KDM3B: variants seen among roughly 807,000 people sequenced by gnomAD.
KDM3B encodes the protein lysine-specific demethylase 3B.
A neutral mutation model predicts 170.0 loss-of-function variants in KDM3B; 10 were observed. That is an observed-to-expected ratio of 0.06 (90% CI 0.04 to 0.10). KDM3B has a LOEUF of 0.10. Ranked by LOEUF, KDM3B falls within the 10% of genes least tolerant of loss-of-function variation. KDM3B has a pLI of 1.00. For missense variants in KDM3B, 1,394 were observed against 2,195.2 expected (o/e 0.64, Z 7.29); for synonymous variants, 831 against 834.8 (o/e 1.00, Z 0.08).
chr5:138,392,033 G>A lies in KDM3B; in HGVS notation c.2401G>A (p.Glu801Lys), dbSNP rs1258217531. The A allele has an allele frequency of 2.5e-6, 4 of 1,613,946 alleles. No homozygotes were observed. The highest frequency in any genetic ancestry group is 3.4e-6 in the Non-Finnish European group (4 of 1,179,892). ...FEAVKRFSLD[E>K]RSLACRQDSD... ...AGCTGTGAAAAGGTTCTCACTGGAT[G>A]AACGAAGCTTGGCTTGCAGACAAGA... Residue 801 changes from glutamate (E) to lysine (K), a missense_variant, in exon 8 of 24, where the codon GAA (glutamate) becomes AAA (lysine). Glu to Lys is a moderately conservative substitution (Grantham distance 56). Coordinates refer to ENST00000314358, the MANE Select transcript of KDM3B (RefSeq NM_016604.4).
intron 13 of KDM3B, 73 bp downstream of exon 13, chr5:138,417,683 C>T: frequency 1.4e-6 from 2 of 1,473,870 alleles, no homozygotes; most frequent in East Asian, 2.3e-5. Flanking sequence ...CCCTTTTCAA[C>T]TCTGTTATGC....
Position 138,386,388 on chromosome 5 carries a change from A to G in KDM3B, c.1147A>G (p.Thr383Ala), listed in dbSNP as rs772313729. The G allele has an allele frequency of 6.2e-7, 1 of 1,614,040 alleles. No individual in the cohort carries two copies. Among genetic ancestry groups the G allele is most frequent in the African/African-American group, 1.3e-5 (1 of 74,988 alleles). Residue 383 changes from threonine to alanine, a missense_variant, in exon 7 of 24, where the codon ACT (threonine) becomes GCT (alanine). Physicochemically the swap from Thr to Ala is moderately conservative, Grantham distance 58. This residue lies in a region of KDM3B where 205 missense variants were observed against 227.6 expected (regional missense o/e 0.90). Coordinates refer to ENST00000314358, the MANE Select transcript of KDM3B (RefSeq NM_016604.4). Reference sequence around the variant, plus strand: ...AGGTGGGGACACACCTGCATCTTTCACTCCATATTCTACAGCCACAGGTCA... The same window carrying G: ...AGGTGGGGACACACCTGCATCTTTCGCTCCATATTCTACAGCCACAGGTCA... ...PVGGDTPASF[T>A]PYSTATGQTP...
At chr5:138,367,968 G>A (rs1414929413) in intron 1 of KDM3B, among the ~76,000 whole-genome samples, 2 of 151,060 alleles carry the variant, frequency 1.3e-5, no homozygotes, top group Non-Finnish European at 2.9e-5. Context: ...AGCCGAGATC[G>A]CACCACTGCA....
Position 138,399,748 on chromosome 5 carries a change from A to C in KDM3B, c.3047-112A>C, listed in dbSNP as rs1233748317. On this transcript the variant is annotated intron_variant, in intron 10 of 23. Transcript: ENST00000314358. The stretch of plus-strand genomic sequence containing the variant: ...AATTATAGAAACACAGACTTTATGA[A>C]TCTTTGAGTTTTATTGCTGAACAAA... The C allele has an allele frequency of 3.4e-6, 3 of 874,488 alleles. No homozygotes were observed. In the African/African-American group the frequency reaches 5.1e-5, roughly 15 times the overall value. The allele number at this position is 874,488 out of a possible 1,614,324, so 54.2% of individuals were successfully genotyped here.
rs779230646 is a variant in KDM3B at position 138,379,690 on chromosome 5, G to T, written c.687G>T (p.Met229Ile). Residue 229 changes from methionine to isoleucine, a missense_variant, in exon 5 of 24, where the codon ATG becomes ATT. By Grantham distance (10) the Met-to-Ile change is conservative. This residue lies in a region of KDM3B where 166 missense variants were observed against 216.4 expected (regional missense o/e 0.77). Transcript: ENST00000314358. ...ATCAGGACTCCATCACTCGTCTTATGGAGGTGTCTGTAACTGAGGTGAGAC... is the reference window on the plus strand; with the variant it reads ...ATCAGGACTCCATCACTCGTCTTATTGAGGTGTCTGTAACTGAGGTGAGAC... ...VSHQDSITRL[M>I]EVSVTESGEI... 4 of 1,613,514 alleles carry T rather than the reference G, an allele frequency of 2.5e-6. No homozygotes were observed. In the Admixed American group the frequency reaches 6.7e-5, roughly 27 times the overall value.
chr5:138,388,011 G>A (rs1210618536), intron 7 of KDM3B, among the ~76,000 whole-genome samples: 1 of 152,084 alleles, frequency 6.6e-6, no homozygotes, highest in Non-Finnish European at 1.5e-5. Flanking sequence ...AACCTGGGAG[G>A]TGGAGCTTGC....
intron 11 of KDM3B, among the ~76,000 whole-genome samples, chr5:138,413,662 CT>C (rs2126982024): frequency 6.6e-6 from 1 of 152,182 alleles, no homozygotes; most frequent in Admixed American, 6.5e-5. Context: ...GAGACAGGGT[CT>C]CTTTCTGTTG....
In KDM3B at chr5:138,425,270, T is replaced by C. The variant is rs1315239767; in HGVS notation, c.4240-141T>C. 7 of 647,812 alleles carry C rather than the reference T, an allele frequency of 1.1e-5. No individual in the cohort carries two copies. The Admixed American group carries it at 1.2e-4, about 11-fold the overall frequency. The allele number at this position is 647,812 out of a possible 1,614,324, so 40.1% of individuals were successfully genotyped here. On this transcript the variant is annotated intron_variant, in intron 16 of 23. Coordinates refer to ENST00000314358, the MANE Select transcript of KDM3B (RefSeq NM_016604.4). ...ACTTTAGTTGACATGTGGAAATCCA[T>C]GGATTATACAACTAGGAAAGAACAG...
At chr5:138,383,328 A>G (rs529593049) in intron 6 of KDM3B, among the ~76,000 whole-genome samples, 13 of 152,000 alleles carry the variant, frequency 8.6e-5, no homozygotes, top group African/African-American at 3.1e-4. Context: ...TAGTAGAGAC[A>G]GGGTTTCACC....
chr5:138,376,781 G>A (rs1762010822), intron 3 of KDM3B, among the ~76,000 whole-genome samples: 1 of 151,956 alleles, frequency 6.6e-6, no homozygotes, highest in African/African-American at 2.4e-5. Flanking sequence ...AGTCCAAGGG[G>A]GCCTATTCAT....
intron 7 of KDM3B, among the ~76,000 whole-genome samples, chr5:138,389,945 C>T (rs1325200910): frequency 6.6e-6 from 1 of 151,966 alleles, no homozygotes; most frequent in Admixed American, 6.6e-5. Flanking sequence ...CTGCAACCTC[C>T]GCCTCCTGGG....
chr5:138,425,692 G>GA, intron 17 of KDM3B, 110 bp downstream of exon 17: 1 of 989,824 alleles, frequency 1.0e-6, no homozygotes, highest in East Asian at 2.5e-5. Context: ...AATGGGACTT[G>GA]AAAAAATAAA....
rs750786039 is a variant in KDM3B, at chr5:138,398,214, G to A, written c.2868G>A (p.Glu956=). The change falls in exon 10 of 24, where the codon GAG becomes GAA. Residue 956 remains glutamate (E), a synonymous_variant. Transcript: ENST00000314358. ...CTCGAAAAGGGGTACTCCGTGTGGAGGGGTTTTTAAGCCCCCAGCAAAGTG... is the reference window on the plus strand; with the variant it reads ...CTCGAAAAGGGGTACTCCGTGTGGAAGGGTTTTTAAGCCCCCAGCAAAGTG... The part of the protein sequence containing the change: ...IFTRKGVLRV[E]GFLSPQQSDP... The A allele has an allele frequency of 7.4e-6, 12 of 1,614,070 alleles. No individual in the cohort carries two copies. Among genetic ancestry groups the A allele is most frequent in the Non-Finnish European group, 1.0e-5 (12 of 1,179,968 alleles).
intron 21 of KDM3B, 83 bp downstream of exon 21, chr5:138,430,048 A>G (rs1763491794): frequency 4.5e-6 from 7 of 1,551,982 alleles, no homozygotes; most frequent in Non-Finnish European, 5.3e-6. Context: ...TTTCTCATGT[A>G]GAGTCCCTTG....
At chr5:138,394,202 G>T (rs1762498093) in intron 9 of KDM3B, among the ~76,000 whole-genome samples, 1 of 152,048 alleles carries the variant, frequency 6.6e-6, no homozygotes, top group Non-Finnish European at 1.5e-5. Flanking sequence ...GTGAGACCTA[G>T]TCTCTACAGA....
intron 1 of KDM3B, among the ~76,000 whole-genome samples, chr5:138,366,160 C>T (rs755010888): frequency 3.3e-5 from 5 of 152,052 alleles, no homozygotes; most frequent in Non-Finnish European, 7.4e-5. Context: ...GTCATCTTTC[C>T]ACATTAGTCT....
chr5:138,423,161 G>C (rs559484973), intron 15 of KDM3B, among the ~76,000 whole-genome samples: 1 of 152,304 alleles, frequency 6.6e-6, no homozygotes, highest in South Asian at 2.1e-4. Context: ...GGCCAGGCTG[G>C]TCTCGAACTC....
chr5:138,353,829 A>T (rs542110433), intron 1 of KDM3B, among the ~76,000 whole-genome samples: 2 of 152,136 alleles, frequency 1.3e-5, no homozygotes, highest in African/African-American at 4.8e-5. Context: ...AGCATTCGGG[A>T]TCATGATGTG....
At chr5:138,427,440 A>G (rs1763425908) in intron 19 of KDM3B, 121 bp downstream of exon 19, 3 of 1,119,392 alleles carry the variant, frequency 2.7e-6, no homozygotes, top group Admixed American at 2.4e-5. Flanking sequence ...TGGAGAAGTG[A>G]ATAGTATCCA....
Sources: allele counts gnomAD v4.1 joint callset (sites outside exome capture counted in the v4.1 genomes callset), GRCh38; gene constraint gnomAD v4.1.1; regional missense constraint gnomAD v4.1.1; transcripts MANE v1.5; gene names NCBI Gene and HGNC (gene_info 2026-07-23, HGNC 2026-07-21).